Variants in SLC35E1 observed in about 807,000 individuals in gnomAD.
The protein encoded by SLC35E1 is solute carrier family 35 member E1, also known as solute carrier family 35, member E1.
A neutral mutation model predicts 31.0 loss-of-function variants in SLC35E1; 12 were observed. The ratio of observed to expected loss-of-function variants is 0.39; its 90% confidence interval spans 0.25 to 0.63. SLC35E1 has a LOEUF of 0.63. Ranked by LOEUF, SLC35E1 falls within the 20% of genes least tolerant of loss-of-function variation. SLC35E1 has a pLI of 0.52. For synonymous variants in SLC35E1, 257 were observed against 264.1 expected (o/e 0.97, Z 0.26); for missense variants, 429 against 572.2 (o/e 0.75, Z 2.55).
chr19:16,556,032 A>G (rs1168779628), intron 4 of SLC35E1, among the ~76,000 whole-genome samples: 1 of 151,998 alleles, frequency 6.6e-6, no homozygotes, highest in East Asian at 1.9e-4. Context: ...CCTGACCAAC[A>G]TGGTAAAACT....
rs983670956 is a variant in SLC35E1 at position 16,552,885 on chromosome 19, T to C, written c.*794A>G. ...TAGAGCTTGAAATACTGAACACGAT[T>C]TCTCGAAGATCCTTCTCACCACCCC... On this transcript the variant is annotated 3_prime_UTR_variant, in exon 6 of 6. Coordinates refer to ENST00000595753, the MANE Select transcript of SLC35E1 (RefSeq NM_024881.5). 6.6e-6 allele frequency: 1 copy of C among 152,158 alleles called. No individual in the cohort carries two copies. Among genetic ancestry groups the C allele is most frequent in the African/African-American group, 2.4e-5 (1 of 41,424 alleles). 9.4% of individuals were successfully genotyped at this position (152,158 alleles called of 1,614,324 possible).
At chr19:16,561,158 G>C (rs1375138913) in intron 4 of SLC35E1, among the ~76,000 whole-genome samples, 1 of 130,648 alleles carries the variant, frequency 7.7e-6, no homozygotes, top group African/African-American at 2.9e-5. Flanking sequence ...AGGTTGCAGC[G>C]AGCTGAGATC....
intron 1 of SLC35E1, 91 bp from the exon 2 acceptor site, chr19:16,571,673 GC>G (rs2122354573): frequency 7.3e-7 from 1 of 1,374,958 alleles, no homozygotes; most frequent in African/African-American, 1.4e-5. Context: ...GGGCCTGGCA[GC>G]CCCTCACACC....
intron 5 of SLC35E1, among the ~76,000 whole-genome samples, chr19:16,554,938 G>A (rs1195889157): frequency 6.6e-6 from 1 of 152,124 alleles, no homozygotes; most frequent in Non-Finnish European, 1.5e-5. Flanking sequence ...AACCCCAGCT[G>A]AGACACAGCC....
Position 16,555,320 on chromosome 19 carries a change from G to A in SLC35E1, c.834C>T (p.Ile278=), listed in dbSNP as rs1003531540. Residue 278 remains isoleucine, a synonymous_variant, in exon 5 of 6, where the codon ATC becomes ATT. Coordinates refer to ENST00000595753, the MANE Select transcript of SLC35E1 (RefSeq NM_024881.5). This position sits in a 1 kb window ranked among gnomAD's most constrained non-coding sequence, Gnocchi z 4.1. The part of the protein sequence containing the change: ...SGFCNFAQNV[I]AFSILNLVSP... Reference sequence around the variant, plus strand: ...TAACGAGGTTGAGGATGCTGAAGGCGATAACATTCTGGGCAAAGTTACAGA... The same window carrying A: ...TAACGAGGTTGAGGATGCTGAAGGCAATAACATTCTGGGCAAAGTTACAGA... 8.1e-6 allele frequency: 13 copies of A among 1,614,046 alleles called. No homozygotes were observed. The highest frequency in any genetic ancestry group is 6.6e-5 in the South Asian group (6 of 91,076).
chr19:16,550,172 TA>T lies in SLC35E1; in HGVS notation c.*3506del. 1 of 152,070 alleles carries T rather than the reference TA, an allele frequency of 6.6e-6. No homozygotes were observed. Among genetic ancestry groups the T allele is most frequent in the Non-Finnish European group, 1.5e-5 (1 of 67,996 alleles). 9.4% of individuals were successfully genotyped at this position (152,070 alleles called of 1,614,324 possible). A position where few individuals can be genotyped will look rare whatever the true frequency, so the allele number is the denominator to read the frequency against. On this transcript the variant is annotated 3_prime_UTR_variant, in exon 6 of 6. Coordinates refer to ENST00000595753, the MANE Select transcript of SLC35E1 (RefSeq NM_024881.5). The stretch of plus-strand genomic sequence containing the variant: ...TTGACTGTTCCTAGAATGAATGACT[TA>T]AAATAAGGTGGTTAAAAATTCTGCA...
intron 4 of SLC35E1, chr19:16,566,249 G>A (rs2085931755): frequency 2.5e-6 from 1 of 393,218 alleles, no homozygotes; most frequent in Non-Finnish European, 4.7e-6. Context: ...ACTGTCAGGA[G>A]GTGAAAGAGT....
chr19:16,556,027 C>G (rs1055460491), intron 4 of SLC35E1, among the ~76,000 whole-genome samples: 1 of 152,008 alleles, frequency 6.6e-6, no homozygotes, highest in African/African-American at 2.4e-5. Context: ...ACCAGCCTGA[C>G]CAACATGGTA....
rs10406727 is a variant in SLC35E1 at position 16,565,512 on chromosome 19, C to T, written c.756+1020G>A. The stretch of plus-strand genomic sequence containing the variant: ...GGCGTAAGCCACCACACCCAGGCAG[C>T]GCATGTTTTTTTCTTTTTTTTTTGA... On this transcript the variant is annotated intron_variant, in intron 4 of 5. Coordinates refer to ENST00000595753, the MANE Select transcript of SLC35E1 (RefSeq NM_024881.5). 4.3e-3 allele frequency: 666 copies of T among 155,134 alleles called. 6 individuals are homozygous for T. Among genetic ancestry groups the T allele is most frequent in the African/African-American group, 0.016 (622 of 39,794 alleles). The allele number at this position is 155,134 out of a possible 1,614,324, so 9.6% of individuals were successfully genotyped here.
At position 16,555,099 on chromosome 19, in the gene SLC35E1, C is replaced by A; in HGVS notation, c.1002+53G>T. On this transcript the variant is annotated intron_variant, in intron 5 of 5. Coordinates refer to ENST00000595753, the MANE Select transcript of SLC35E1 (RefSeq NM_024881.5). This position sits in a 1 kb window ranked among gnomAD's most constrained non-coding sequence, Gnocchi z 4.1. ...CGGGAGGCCCTTCCTTTTCTGACTT[C>A]CTGGGTGTTGGGGGGCCGGCTTCCT... The A allele has an allele frequency of 6.2e-7, 1 of 1,607,958 alleles. No individual in the cohort carries two copies. Among genetic ancestry groups the A allele is most frequent in the Non-Finnish European group, 8.5e-7 (1 of 1,176,962 alleles).
intron 4 of SLC35E1, 111 bp downstream of exon 4, chr19:16,566,421 C>G: frequency 6.8e-7 from 1 of 1,467,558 alleles, no homozygotes; most frequent in South Asian, 1.3e-5. Flanking sequence ...CGCTGGCTGT[C>G]AGGTGCCCAA....
intron 4 of SLC35E1, among the ~76,000 whole-genome samples, chr19:16,560,768 G>C (rs2085900633): frequency 6.7e-6 from 1 of 150,272 alleles, no homozygotes; most frequent in Non-Finnish European, 1.5e-5. Context: ...AAGCTGAGGT[G>C]GGAGAATCAC....
At chr19:16,556,291 G>GA (rs945106248) in intron 4 of SLC35E1, among the ~76,000 whole-genome samples, 14 of 148,028 alleles carry the variant, frequency 9.5e-5, no homozygotes, top group African/African-American at 3.2e-4. Context: ...GGAGGCTAAG[G>GA]AAAAAAAATC....
At chr19:16,560,550 A>G (rs2085899322) in intron 4 of SLC35E1, among the ~76,000 whole-genome samples, 1 of 152,144 alleles carries the variant, frequency 6.6e-6, no homozygotes, top group Non-Finnish European at 1.5e-5. Context: ...GATGAAGGCA[A>G]AAAAGAAAAT....
At position 16,550,459 on chromosome 19, in the gene SLC35E1, G is replaced by A. The variant is rs762110856; in HGVS notation, c.*3220C>T. 7.2e-5 allele frequency: 11 copies of A among 152,312 alleles called. No individual in the cohort carries two copies. The highest frequency in any genetic ancestry group is 1.3e-4 in the Non-Finnish European group (9 of 68,136). 9.4% of individuals were successfully genotyped at this position (152,312 alleles called of 1,614,324 possible). On this transcript the variant is annotated 3_prime_UTR_variant, in exon 6 of 6. Coordinates refer to ENST00000595753, the MANE Select transcript of SLC35E1 (RefSeq NM_024881.5). Reference sequence around the variant, plus strand: ...GGCCATTGTCAATCAGGCTGGGCACGGTGGCTCATGCCTGTCATCCTAGCA... The same window carrying A: ...GGCCATTGTCAATCAGGCTGGGCACAGTGGCTCATGCCTGTCATCCTAGCA...
rs61643316 is a variant in SLC35E1, at chr19:16,559,463, T to TACACACACACACACACAC, written c.757-4084_757-4067dup. The stretch of plus-strand genomic sequence containing the variant: ...GGCAAAACCTTCTTTCTACAAAAAA[T>TACACACACACACACACAC]ACACACACACACACACACACACACA... On this transcript the variant is annotated intron_variant, in intron 4 of 5. Transcript: ENST00000595753. 7.6e-3 allele frequency among the ~76,000 whole-genome samples: 1,083 copies of TACACACACACACACACAC among 142,350 alleles called. 8 individuals carry two copies. The highest frequency in any genetic ancestry group is 0.011 in the African/African-American group (393 of 36,968). The allele number at this position is 142,350 out of a possible 152,430, so 93.4% of individuals were successfully genotyped here.
chr19:16,567,285 TGCTGGGATTATA>T (rs1465800052), intron 3 of SLC35E1, among the ~76,000 whole-genome samples: 1 of 152,122 alleles, frequency 6.6e-6, no homozygotes, highest in Non-Finnish European at 1.5e-5. Context: ...CCTCCCAAAG[TGCTGGGATTATA>T]GATGTGAGCC....
intron 4 of SLC35E1, among the ~76,000 whole-genome samples, chr19:16,563,475 G>A (rs1216910459): frequency 6.6e-6 from 1 of 152,142 alleles, no homozygotes; most frequent in African/African-American, 2.4e-5. Flanking sequence ...CATGGTCAGG[G>A]AGGGGACAGG....
At chr19:16,558,160 C>G (rs2085885246) in intron 4 of SLC35E1, among the ~76,000 whole-genome samples, 1 of 151,984 alleles carries the variant, frequency 6.6e-6, no homozygotes. Flanking sequence ...TCTCCTGTTT[C>G]AGCCTCCCGA....
Sources: allele counts gnomAD v4.1 joint callset (sites outside exome capture counted in the v4.1 genomes callset), GRCh38; gene constraint gnomAD v4.1.1; non-coding constraint Gnocchi (gnomAD v3.1); transcripts MANE v1.5; gene names NCBI Gene and HGNC (gene_info 2026-07-23, HGNC 2026-07-21).